CTTNBP2: variants seen among roughly 807,000 people sequenced by gnomAD.
CTTNBP2 encodes the protein cortactin-binding protein 2.
A neutral mutation model predicts 156.9 loss-of-function variants in CTTNBP2; 108 were observed. The ratio of observed to expected loss-of-function variants is 0.69; its 90% confidence interval spans 0.59 to 0.81. The LOEUF (loss-of-function observed/expected upper bound fraction) is 0.81. CTTNBP2 is among the 30% of genes least tolerant of loss of function. The pLI, the probability that CTTNBP2 is intolerant of heterozygous loss-of-function variation, is 0.00. For synonymous variants in CTTNBP2, 767 were observed against 751.8 expected (o/e 1.02, Z -0.33); for missense variants, 1,924 against 2,035.4 (o/e 0.95, Z 1.05).
chr7:117,739,362 C>A (rs150864497), intron 14 of CTTNBP2, among the ~76,000 whole-genome samples: 2 of 152,136 alleles, frequency 1.3e-5, no homozygotes, highest in Non-Finnish European at 2.9e-5. Flanking sequence ...TTTTTACCTT[C>A]GGCCAAAAAG....
At chr7:117,793,114 G>A (rs1443364586) in intron 3 of CTTNBP2, among the ~76,000 whole-genome samples, 8 of 152,092 alleles carry the variant, frequency 5.3e-5, no homozygotes, top group African/African-American at 1.9e-4. Context: ...TAAAAACACA[G>A]CTCTGTGATG....
intron 14 of CTTNBP2, among the ~76,000 whole-genome samples, chr7:117,742,427 T>C (rs1289189325): frequency 1.3e-5 from 2 of 152,170 alleles, no homozygotes; most frequent in African/African-American, 4.8e-5. Context: ...GGTGGATGAA[T>C]GCCCTAGAAT....
chr7:117,781,567 G>A (rs1198403544), intron 6 of CTTNBP2, among the ~76,000 whole-genome samples: 5 of 152,096 alleles, frequency 3.3e-5, no homozygotes, highest in Admixed American at 6.5e-5. Flanking sequence ...GGTGAAACCC[G>A]TCTCTACTAA....
At chr7:117,828,212 A>G (rs1584502840) in intron 2 of CTTNBP2, among the ~76,000 whole-genome samples, 1 of 152,166 alleles carries the variant, frequency 6.6e-6, no homozygotes, top group African/African-American at 2.4e-5. Context: ...GAGAAGGTAT[A>G]CCTCCTGCTA....
intron 19 of CTTNBP2, among the ~76,000 whole-genome samples, chr7:117,723,028 G>A (rs1794890112): frequency 6.6e-6 from 1 of 152,180 alleles, no homozygotes. Flanking sequence ...GCTACAGAAA[G>A]TCATCTGGGG....
chr7:117,752,623 G>T (rs1421141469), intron 12 of CTTNBP2, among the ~76,000 whole-genome samples: 1 of 152,026 alleles, frequency 6.6e-6, no homozygotes, highest in African/African-American at 2.4e-5. Flanking sequence ...TCTGCATAAG[G>T]GTTTTAACAC....
At chr7:117,870,150 A>G (rs1390047187) in intron 1 of CTTNBP2, among the ~76,000 whole-genome samples, 1 of 152,168 alleles carries the variant, frequency 6.6e-6, no homozygotes, top group Non-Finnish European at 1.5e-5. Context: ...TCATGACACC[A>G]TCATCCCCAA....
At chr7:117,745,810 A>C (rs774786527) in intron 14 of CTTNBP2, 21 bp downstream of exon 14, 2 of 1,549,286 alleles carry the variant, frequency 1.3e-6, no homozygotes, top group East Asian at 4.5e-5. Flanking sequence ...TATCACAGGC[A>C]ATTTGCTGAA....
chr7:117,721,037 C>T, intron 20 of CTTNBP2, 30 bp downstream of exon 20: 5 of 1,369,878 alleles, frequency 3.6e-6, no homozygotes, highest in African/African-American at 1.4e-5. Context: ...TCTTTGTTTG[C>T]TGTGAGTTAA....
chr7:117,832,175 TC>T (rs1220533712), intron 2 of CTTNBP2, among the ~76,000 whole-genome samples: 2 of 151,886 alleles, frequency 1.3e-5, no homozygotes, highest in Non-Finnish European at 2.9e-5. Flanking sequence ...AGACATCACT[TC>T]CCCCCTGCCC....
intron 8 of CTTNBP2, among the ~76,000 whole-genome samples, chr7:117,767,433 G>GA (rs1047890159): frequency 1.1e-4 from 17 of 150,506 alleles, no homozygotes; most frequent in African/African-American, 2.4e-4. Context: ...TAGGTTGCAA[G>GA]AAAAAAAAAT....
rs575145842 is a variant in CTTNBP2 at position 117,848,053 on chromosome 7, G to A, written c.189+13156C>T. ...AGGATGGTCTAGATCTCTTGATCTC[G>A]TGATCCACCCACCTCGGCCTCCCAA... On this transcript the variant is annotated intron_variant, in intron 2 of 22. Transcript: ENST00000160373. Among the ~76,000 whole-genome samples, 20 of 151,930 alleles carry A rather than the reference G, an allele frequency of 1.3e-4. 1 individual carries two copies. The highest frequency in any genetic ancestry group is 1.5e-4 in the Non-Finnish European group (10 of 67,976).
Position 117,784,376 on chromosome 7 carries a change from T to A in CTTNBP2, c.2147A>T (p.Gln716Leu). ...AGTGACATTTCCCTGGGCAGCAGCT[T>A]GCTGAAGAAGGGTGGGCCTGCCAGC... ...PLAGRPTLLQ[Q>L]AAAQGNVTLL... The change falls in exon 5 of 23, where the codon CAA becomes CTA. Residue 716 changes from glutamine to leucine, a missense_variant. By Grantham distance (113) the Gln-to-Leu change is moderately radical. Coordinates refer to ENST00000160373, the MANE Select transcript of CTTNBP2 (RefSeq NM_033427.3). 2 of 1,613,746 alleles carry A rather than the reference T, an allele frequency of 1.2e-6. No individual in the cohort carries two copies. Among genetic ancestry groups the A allele is most frequent in the Non-Finnish European group, 1.7e-6 (2 of 1,179,904 alleles).
intron 1 of CTTNBP2, among the ~76,000 whole-genome samples, chr7:117,871,352 G>GTAGTA (rs1804584707): frequency 6.6e-6 from 1 of 152,082 alleles, no homozygotes; most frequent in Non-Finnish European, 1.5e-5. Flanking sequence ...TACTACAAAA[G>GTAGTA]CCATCATCAA....
chr7:117,712,133 C>T (rs76351119), intron 22 of CTTNBP2, among the ~76,000 whole-genome samples: 1 of 152,270 alleles, frequency 6.6e-6, no homozygotes, highest in Non-Finnish European at 1.5e-5. Flanking sequence ...AACTATGTCA[C>T]CTTGGGTAAA....
intron 2 of CTTNBP2, among the ~76,000 whole-genome samples, chr7:117,815,027 A>T (rs1800498763): frequency 6.6e-6 from 1 of 152,262 alleles, no homozygotes; most frequent in Non-Finnish European, 1.5e-5. Flanking sequence ...CGTGTTCTTC[A>T]TTAACATCCT....
chr7:117,844,952 A>G (rs1213226859), intron 2 of CTTNBP2, among the ~76,000 whole-genome samples: 2 of 152,172 alleles, frequency 1.3e-5, no homozygotes, highest in African/African-American at 4.8e-5. Flanking sequence ...GTTTGAAAGA[A>G]TCTAGGAGAA....
intron 2 of CTTNBP2, among the ~76,000 whole-genome samples, chr7:117,824,084 A>G (rs557114348): frequency 6.6e-6 from 1 of 151,946 alleles, no homozygotes; most frequent in East Asian, 1.9e-4. Context: ...AACCCTCACA[A>G]CAGTAGATAT....
chr7:117,869,200 G>A (rs1032881936), intron 1 of CTTNBP2, among the ~76,000 whole-genome samples: 31 of 152,230 alleles, frequency 2.0e-4, no homozygotes, highest in Admixed American at 4.6e-4. Flanking sequence ...GAAAGCGGCA[G>A]TATTAAGATG....
Sources: gnomAD v4.1 joint callset for allele counts (sites outside exome capture counted in the v4.1 genomes callset) on GRCh38, gnomAD v4.1.1 for gene constraint, MANE v1.5 for transcripts, NCBI Gene and HGNC (gene_info 2026-07-23, HGNC 2026-07-21) for gene names.